MYLK: variants seen among roughly 807,000 people sequenced by gnomAD.
MYLK encodes myosin light chain kinase, smooth muscle.
A neutral mutation model predicts 203.4 loss-of-function variants in MYLK; 106 were observed. The ratio of observed to expected loss-of-function variants is 0.52; its 90% CI spans 0.45 to 0.61. The LOEUF (loss-of-function observed/expected upper bound fraction) is 0.61, where lower values mean the gene tolerates loss of function less well. Ranked by LOEUF, MYLK falls within the 20% of genes least tolerant of loss-of-function variation. The pLI is 0.00. For synonymous variants in MYLK, 867 were observed against 959.5 expected, an observed-to-expected ratio of 0.90 and a Z score of 1.78; for missense variants, 2,072 against 2,442.3, an observed-to-expected ratio of 0.85 and a Z score of 3.20.
chr3:123,760,664 A>T (rs1257671078), intron 4 of MYLK, among the ~76,000 whole-genome samples: 1 of 152,218 alleles, frequency 6.6e-6, no homozygotes, highest in African/African-American at 2.4e-5. Flanking sequence ...AAGAAATATC[A>T]GAACATATAA....
intron 4 of MYLK, among the ~76,000 whole-genome samples, chr3:123,790,979 C>CT (rs1366486326): frequency 2.0e-5 from 3 of 152,174 alleles, no homozygotes; most frequent in African/African-American, 7.2e-5. Flanking sequence ...TGAAGGCATA[C>CT]TTTTTAAGTT....
At chr3:123,840,505 C>T (rs1226976173) in intron 2 of MYLK, among the ~76,000 whole-genome samples, 1 of 150,946 alleles carries the variant, frequency 6.6e-6, no homozygotes, top group Non-Finnish European at 1.5e-5. Flanking sequence ...CTGAAAGACA[C>T]AAACTACCAA....
chr3:123,769,111 C>T lies in MYLK; in HGVS notation c.166-16573G>A, dbSNP rs570346047. 9.8e-4 allele frequency among the ~76,000 whole-genome samples: 149 copies of T among 152,234 alleles called. 1 individual carries two copies. Among genetic ancestry groups the T allele is most frequent in the African/African-American group, 3.5e-3 (144 of 41,548 alleles). ...TCCCAGACAATCTGAGACAACTAAT[C>T]ACCATGACATCACCTTCCACATTTC... On this transcript the variant is annotated intron_variant, in intron 4 of 33. Transcript: ENST00000360304.
intron 29 of MYLK, among the ~76,000 whole-genome samples, chr3:123,637,712 CCTT>C (rs1459924658): frequency 3.9e-5 from 6 of 152,156 alleles, no homozygotes; most frequent in East Asian, 1.9e-4. Context: ...CTCCTGCCCT[CCTT>C]CTTTGTGGAC....
At chr3:123,781,227 T>G (rs188988616) in intron 4 of MYLK, among the ~76,000 whole-genome samples, 1 of 152,318 alleles carries the variant, frequency 6.6e-6, no homozygotes, top group Non-Finnish European at 1.5e-5. Context: ...AGAGAGGAAG[T>G]GCTCCAAGCC....
rs542071881 is a variant in MYLK at position 123,848,112 on chromosome 3, C to G, written c.-126-16442G>C. On this transcript the variant is annotated intron_variant, in intron 2 of 33. Coordinates refer to ENST00000360304, the MANE Select transcript of MYLK (RefSeq NM_053025.4). ...AGTAGTTATGGCAAATTATATTTGC[C>G]CAGAAAGTTACCCATGTGTCCTCCT... Among the ~76,000 whole-genome samples the G allele has an allele frequency of 6.6e-5, 10 of 151,304 alleles. No homozygotes were observed. In the South Asian group the frequency reaches 2.1e-3, roughly 32 times the overall value.
chr3:123,636,041 G>T (rs116167451), intron 29 of MYLK, among the ~76,000 whole-genome samples: 3,268 of 152,298 alleles, frequency 0.021, 114 homozygotes, highest in African/African-American at 0.07. Context: ...ACCTCTGGGG[G>T]TTGGTAACAG....
At chr3:123,718,167 GAGGGACTCTTGA>G (rs2061968429) in intron 13 of MYLK, among the ~76,000 whole-genome samples, 1 of 152,160 alleles carries the variant, frequency 6.6e-6, no homozygotes, top group Non-Finnish European at 1.5e-5. Flanking sequence ...TAGCCCTGTT[GAGGGACTCTTGA>G]AGGTAATTTG....
At position 123,709,356 on chromosome 3, in the gene MYLK, T is replaced by C. The variant is rs373966547; in HGVS notation, c.1942+400A>G. ...CAGGGTTTCACCGTGTTAGCCAGGA[T>C]GGTCTCGATCTCCTGACCTTGTGAT... On this transcript the variant is annotated intron_variant, in intron 14 of 33. Coordinates refer to ENST00000360304, the MANE Select transcript of MYLK (RefSeq NM_053025.4). The C allele has an allele frequency of 1.3e-3, 367 of 279,466 alleles. 2 individuals are homozygous for C. Among genetic ancestry groups the C allele is most frequent in the South Asian group, 8.2e-3 (208 of 25,434 alleles). 17.3% of individuals were successfully genotyped at this position (279,466 alleles called of 1,614,324 possible).
At chr3:123,808,116 G>T (rs1410134047) in intron 3 of MYLK, among the ~76,000 whole-genome samples, 2 of 152,210 alleles carry the variant, frequency 1.3e-5, no homozygotes, top group Non-Finnish European at 2.9e-5. Context: ...ACACAGCCCG[G>T]CTCTTCCTCC....
intron 23 of MYLK, among the ~76,000 whole-genome samples, chr3:123,660,647 G>A (rs866667214): frequency 5.3e-5 from 8 of 152,166 alleles, no homozygotes; most frequent in African/African-American, 1.9e-4. Flanking sequence ...TTGAAAAATA[G>A]GAGCCAGAGA....
chr3:123,720,108 C>T (rs2062035089), intron 13 of MYLK, among the ~76,000 whole-genome samples: 2 of 152,222 alleles, frequency 1.3e-5, no homozygotes, highest in African/African-American at 4.8e-5. Flanking sequence ...GTACATCCCC[C>T]ACACTGGGAG....
At position 123,613,109 on chromosome 3, in the gene MYLK, G is replaced by A. The variant is rs2057290684; in HGVS notation, c.*996C>T. 6.6e-6 allele frequency: 1 copy of A among 152,282 alleles called. No homozygotes were observed. Among genetic ancestry groups the A allele is most frequent in the East Asian group, 1.9e-4 (1 of 5,196 alleles). 9.4% of individuals were successfully genotyped at this position (152,282 alleles called of 1,614,324 possible). On this transcript the variant is annotated 3_prime_UTR_variant, in exon 34 of 34. Transcript: ENST00000360304. ...TTTGGAGAGTGTTGAGAATGAAGAT[G>A]TATTAAACTCTGGCTATCTTGGAGG...
intron 3 of MYLK, among the ~76,000 whole-genome samples, chr3:123,795,391 A>G (rs2064949355): frequency 6.6e-6 from 1 of 152,216 alleles, no homozygotes; most frequent in Admixed American, 6.5e-5. Context: ...CCGAATTCCT[A>G]AAGATTTCCT....
chr3:123,654,069 T>C lies in MYLK; in HGVS notation c.4288+3057A>G, dbSNP rs115544599. Among the ~76,000 whole-genome samples, 769 of 150,232 alleles carry C rather than the reference T, an allele frequency of 5.1e-3. 10 individuals are homozygous for C. The highest frequency in any genetic ancestry group is 0.017 in the African/African-American group (689 of 41,138). On this transcript the variant is annotated intron_variant, in intron 24 of 33. Transcript: ENST00000360304. ...GGCAGTTTTGTTACTCAGTGTCCCC[T>C]GACAGACATTTGGGAGTGGCTAGTG...
intron 16 of MYLK, among the ~76,000 whole-genome samples, chr3:123,702,408 G>A (rs554688235): frequency 2.2e-4 from 33 of 152,300 alleles, no homozygotes; most frequent in East Asian, 3.9e-4. Flanking sequence ...ACACCCACAC[G>A]CAGTTCTTTC....
chr3:123,881,024 G>C (rs999734686), intron 1 of MYLK, among the ~76,000 whole-genome samples: 36 of 152,224 alleles, frequency 2.4e-4, no homozygotes, highest in African/African-American at 8.4e-4. Flanking sequence ...AAAGTGTGCA[G>C]CCAAAACTCA....
At chr3:123,881,776 G>A (rs146433961) in intron 1 of MYLK, among the ~76,000 whole-genome samples, 663 of 152,250 alleles carry the variant, frequency 4.4e-3, no homozygotes, top group Non-Finnish European at 7.5e-3. Flanking sequence ...GGTGACCCCA[G>A]CGCATTCACA....
chr3:123,814,053 A>T (rs920749871), intron 3 of MYLK: 2 of 226,770 alleles, frequency 8.8e-6, no homozygotes, highest in Non-Finnish European at 1.8e-5. Flanking sequence ...GACACAAGAC[A>T]TGACTTCAAA....
Sources: allele counts gnomAD v4.1 joint callset (sites outside exome capture counted in the v4.1 genomes callset), GRCh38; gene constraint gnomAD v4.1.1; transcripts MANE v1.5; gene names NCBI Gene and HGNC (gene_info 2026-07-23, HGNC 2026-07-21).